The following KCNQ3 variants were observed in gnomAD, a reference collection of about 807,000 sequenced individuals.
KCNQ3 encodes the protein potassium voltage-gated channel subfamily KQT member 3.
Under a neutral mutation model 92.5 loss-of-function variants are expected in KCNQ3, and 30 were observed. The observed-to-expected ratio is 0.32, with a 90% CI of 0.24 to 0.44. The LOEUF (loss-of-function observed/expected upper bound fraction) is 0.44. KCNQ3 is among the 20% of genes least tolerant of loss of function. The pLI is 1.00. For synonymous variants in KCNQ3, 450 were observed against 468.8 expected (o/e 0.96, Z 0.52); for missense variants, 913 against 1,140.3 (o/e 0.80, Z 2.87).
chr8:132,225,703 C>T (rs1425297191), intron 1 of KCNQ3, among the ~76,000 whole-genome samples: 1 of 152,122 alleles, frequency 6.6e-6, no homozygotes, highest in Non-Finnish European at 1.5e-5. Flanking sequence ...GTGGCAAATG[C>T]TATGAATCAG....
At chr8:132,198,773 C>T (rs556780026) in intron 1 of KCNQ3, among the ~76,000 whole-genome samples, 41 of 152,308 alleles carry the variant, frequency 2.7e-4, no homozygotes, top group Admixed American at 1.8e-3. Context: ...TGCCACTGCA[C>T]TCCAGCCTGA....
At chr8:132,201,514 C>G (rs1827458091) in intron 1 of KCNQ3, among the ~76,000 whole-genome samples, 1 of 151,210 alleles carries the variant, frequency 6.6e-6, no homozygotes, top group African/African-American at 2.4e-5. Flanking sequence ...GGGACAGGCA[C>G]AAGATACGTA....
chr8:132,409,945 T>A (rs922852946), intron 1 of KCNQ3, among the ~76,000 whole-genome samples: 10 of 152,320 alleles, frequency 6.6e-5, no homozygotes, highest in South Asian at 2.1e-4. Context: ...ACACTGAATT[T>A]TTGCCTGTCA....
intron 1 of KCNQ3, among the ~76,000 whole-genome samples, chr8:132,423,701 C>T (rs1483745691): frequency 6.6e-6 from 1 of 152,104 alleles, no homozygotes; most frequent in African/African-American, 2.4e-5. Flanking sequence ...GTAATTCAGC[C>T]GAGGTCACAC....
intron 1 of KCNQ3, among the ~76,000 whole-genome samples, chr8:132,267,302 A>T (rs568064090): frequency 6.6e-6 from 1 of 152,168 alleles, no homozygotes. Context: ...CTTCCTCCTG[A>T]TTCCCATTGC....
chr8:132,248,504 C>T (rs530244470), intron 1 of KCNQ3, among the ~76,000 whole-genome samples: 1 of 152,280 alleles, frequency 6.6e-6, no homozygotes, highest in South Asian at 2.1e-4. Context: ...AGGGAAAGCT[C>T]AAGACCCTCT....
chr8:132,406,264 G>A (rs897548044), intron 1 of KCNQ3, among the ~76,000 whole-genome samples: 1 of 152,156 alleles, frequency 6.6e-6, no homozygotes, highest in Non-Finnish European at 1.5e-5. Context: ...ATCAAGCGGG[G>A]CTTGGAATAG....
chr8:132,425,467 G>T (rs1244178894), intron 1 of KCNQ3, among the ~76,000 whole-genome samples: 1 of 152,120 alleles, frequency 6.6e-6, no homozygotes, highest in African/African-American at 2.4e-5. Flanking sequence ...AAATGTATGG[G>T]AAATGCCTAG....
At chr8:132,134,907 C>G (rs1825031421) in intron 12 of KCNQ3, among the ~76,000 whole-genome samples, 1 of 152,166 alleles carries the variant, frequency 6.6e-6, no homozygotes, top group South Asian at 2.1e-4. Context: ...CTGTGGGCAT[C>G]TCTGGCCAGT....
At chr8:132,187,750 G>A (rs1167441725) in intron 1 of KCNQ3, among the ~76,000 whole-genome samples, 2 of 148,220 alleles carry the variant, frequency 1.3e-5, no homozygotes, top group African/African-American at 5.2e-5. Flanking sequence ...GGTGGTGGTG[G>A]TGGTAGTGAT....
chr8:132,379,043 A>T (rs1258257593), intron 1 of KCNQ3, among the ~76,000 whole-genome samples: 1 of 152,206 alleles, frequency 6.6e-6, no homozygotes, highest in Non-Finnish European at 1.5e-5. Context: ...GTTCTATAGG[A>T]TGATAAACAC....
chr8:132,476,983 A>G (rs774714779), intron 1 of KCNQ3, among the ~76,000 whole-genome samples: 2 of 152,082 alleles, frequency 1.3e-5, no homozygotes, highest in Non-Finnish European at 2.9e-5. Context: ...TTCTCCTGAT[A>G]GAAGTTTCAG....
chr8:132,295,518 C>A (rs1442210212), intron 1 of KCNQ3, among the ~76,000 whole-genome samples: 1 of 152,202 alleles, frequency 6.6e-6, no homozygotes, highest in African/African-American at 2.4e-5. Flanking sequence ...TTTGACCCAG[C>A]AATCCCATTA....
At chr8:132,231,012 C>T (rs918936784) in intron 1 of KCNQ3, among the ~76,000 whole-genome samples, 1 of 152,092 alleles carries the variant, frequency 6.6e-6, no homozygotes, top group Non-Finnish European at 1.5e-5. Flanking sequence ...AAAAAGGGAA[C>T]ATTTGGACAC....
intron 1 of KCNQ3, among the ~76,000 whole-genome samples, chr8:132,394,133 G>A (rs1026327301): frequency 4.6e-5 from 7 of 151,218 alleles, no homozygotes; most frequent in African/African-American, 1.5e-4. Context: ...GCCTTCAGGA[G>A]GAAGGGCAAG....
intron 1 of KCNQ3, among the ~76,000 whole-genome samples, chr8:132,301,466 C>A (rs1010027647): frequency 6.6e-6 from 1 of 152,162 alleles, no homozygotes; most frequent in Non-Finnish European, 1.5e-5. Flanking sequence ...CTGACTGTTG[C>A]AGTCCTTACT....
At chr8:132,392,335 C>T (rs765316961) in intron 1 of KCNQ3, among the ~76,000 whole-genome samples, 3 of 152,090 alleles carry the variant, frequency 2.0e-5, no homozygotes, top group Non-Finnish European at 2.9e-5. Flanking sequence ...TGCTGGCCCC[C>T]GAGCCCTGCC....
intron 10 of KCNQ3, chr8:132,140,433 GGGA>G (rs1317342884): frequency 4.3e-6 from 2 of 462,064 alleles, no homozygotes; most frequent in African/African-American, 2.0e-5. Flanking sequence ...AAGGCTAGCA[GGGA>G]GGAGAAGTGA....
intron 1 of KCNQ3, among the ~76,000 whole-genome samples, chr8:132,330,221 G>C (rs553363188): frequency 1.3e-5 from 2 of 152,318 alleles, no homozygotes; most frequent in African/African-American, 4.8e-5. Context: ...AACGAGGCAA[G>C]GAATGGATTG....
Sources: gnomAD v4.1 joint callset for allele counts (sites outside exome capture counted in the v4.1 genomes callset) on GRCh38, gnomAD v4.1.1 for gene constraint, MANE v1.5 for transcripts, NCBI Gene and HGNC (gene_info 2026-07-23, HGNC 2026-07-21) for gene names.